The following METTL25 variants were observed in gnomAD, a reference collection of about 807,000 sequenced individuals.
The protein encoded by METTL25 is methyltransferase like 25.
In METTL25, 64 loss-of-function variants were observed where a neutral mutation model predicts 71.6. The ratio of observed to expected loss-of-function variants is 0.89; its 90% CI spans 0.73 to 1.10. The LOEUF (loss-of-function observed/expected upper bound fraction) is 1.10, where lower values mean the gene tolerates loss of function less well. Among genes scored for constraint, METTL25 ranks in the 50% least tolerant of loss-of-function variants. The pLI is 0.00. For synonymous variants in METTL25, 287 were observed against 250.3 expected, an observed-to-expected ratio of 1.15 and a Z score of -1.38; for missense variants, 807 against 707.0, an observed-to-expected ratio of 1.14 and a Z score of -1.60.
chr12:82,370,887 T>C (rs1446949513), intron 1 of METTL25, among the ~76,000 whole-genome samples: 1 of 152,208 alleles, frequency 6.6e-6, no homozygotes, highest in Admixed American at 6.5e-5. Flanking sequence ...CTTCTTCTTT[T>C]TGATGGCTTC....
At chr12:82,371,110 C>T (rs1416297578) in intron 1 of METTL25, among the ~76,000 whole-genome samples, 1 of 152,250 alleles carries the variant, frequency 6.6e-6, no homozygotes, top group African/African-American at 2.4e-5. Flanking sequence ...TACCTGGTTA[C>T]AGGCTGTCCC....
At chr12:82,435,531 A>G (rs1889852802) in intron 7 of METTL25, among the ~76,000 whole-genome samples, 1 of 151,382 alleles carries the variant, frequency 6.6e-6, no homozygotes, top group Non-Finnish European at 1.5e-5. Context: ...TTAGCGTTAG[A>G]GCATATCATT....
At chr12:82,385,749 T>C (rs1332039780) in intron 1 of METTL25, among the ~76,000 whole-genome samples, 1 of 152,210 alleles carries the variant, frequency 6.6e-6, no homozygotes, top group Non-Finnish European at 1.5e-5. Flanking sequence ...GAATGAAATT[T>C]AATTTTAATA....
chr12:82,412,352 C>G (rs1887616427), intron 5 of METTL25, among the ~76,000 whole-genome samples: 1 of 152,076 alleles, frequency 6.6e-6, no homozygotes, highest in Non-Finnish European at 1.5e-5. Flanking sequence ...TGGGTTTTGA[C>G]TAAGCAGTGT....
chr12:82,368,306 T>A (rs1882800454), intron 1 of METTL25, among the ~76,000 whole-genome samples: 1 of 152,158 alleles, frequency 6.6e-6, no homozygotes, highest in East Asian at 1.9e-4. Flanking sequence ...ATTTAACCAA[T>A]ATGGTGCCTA....
chr12:82,427,821 A>G (rs1889156311), intron 5 of METTL25, among the ~76,000 whole-genome samples: 1 of 151,930 alleles, frequency 6.6e-6, no homozygotes, highest in Non-Finnish European at 1.5e-5. Context: ...CTATATTCCA[A>G]GATTGCTGAG....
At chr12:82,377,622 TA>T (rs1884005521) in intron 1 of METTL25, among the ~76,000 whole-genome samples, 1 of 152,198 alleles carries the variant, frequency 6.6e-6, no homozygotes, top group South Asian at 2.1e-4. Context: ...TCAGATTGTT[TA>T]GGAAGTAAAA....
At chr12:82,458,231 A>G (rs1891628650) in intron 9 of METTL25, among the ~76,000 whole-genome samples, 1 of 152,172 alleles carries the variant, frequency 6.6e-6, no homozygotes, top group Non-Finnish European at 1.5e-5. Flanking sequence ...TATGGACATC[A>G]CAAACATTAC....
intron 1 of METTL25, among the ~76,000 whole-genome samples, chr12:82,361,573 A>T (rs1881907265): frequency 1.3e-5 from 2 of 152,178 alleles, no homozygotes; most frequent in Non-Finnish European, 2.9e-5. Flanking sequence ...GCAGGGAGGC[A>T]GCTGAGGCCC....
At chr12:82,424,704 A>G (rs1350814472) in intron 5 of METTL25, among the ~76,000 whole-genome samples, 1 of 152,010 alleles carries the variant, frequency 6.6e-6, no homozygotes, top group Non-Finnish European at 1.5e-5. Flanking sequence ...TTATCTGAAA[A>G]CTGGGTATTT....
At position 82,358,628 on chromosome 12, in the gene METTL25, G is replaced by A; in HGVS notation, c.63G>A (p.Gln21=). ...PDLPTLRAKL[Q]GLLQFLRDAL... ...TGCCCACGCTGCGTGCCAAGTTGCAGGGACTGCTGCAGTTCCTGAGGGATG... is the reference window on the plus strand; with the variant it reads ...TGCCCACGCTGCGTGCCAAGTTGCAAGGACTGCTGCAGTTCCTGAGGGATG... The change falls in exon 1 of 12, where the codon CAG becomes CAA. Residue 21 remains glutamine (Q), a synonymous_variant. Coordinates refer to ENST00000248306, the MANE Select transcript of METTL25 (RefSeq NM_032230.3). 2 of 1,614,058 alleles carry A rather than the reference G, an allele frequency of 1.2e-6. No individual in the cohort carries two copies. Among genetic ancestry groups the A allele is most frequent in the Non-Finnish European group, 1.7e-6 (2 of 1,180,054 alleles).
intron 9 of METTL25, among the ~76,000 whole-genome samples, chr12:82,467,177 T>G (rs1892289051): frequency 6.6e-6 from 1 of 152,060 alleles, no homozygotes; most frequent in Admixed American, 6.6e-5. Flanking sequence ...AAGTGGAGAA[T>G]GTAGACCATT....
chr12:82,386,807 G>A lies in METTL25; in HGVS notation c.264G>A (p.Met88Ile), dbSNP rs558856672. The A allele has an allele frequency of 6.2e-7, 1 of 1,612,194 alleles. No individual in the cohort carries two copies. Among genetic ancestry groups the A allele is most frequent in the South Asian group, 1.1e-5 (1 of 90,922 alleles). ...TTTCTGTCTTCACTTTTTTAGGTAT[G>A]ACTGATTTTCCCAAAATATTTTGTG... is the stretch of plus-strand genomic sequence containing the variant. Reference protein sequence around the residue: ...PLVEAEWEAGMTDFPKIFCET... With the variant: ...PLVEAEWEAGITDFPKIFCET... Residue 88 changes from methionine (M) to isoleucine (I), a missense_variant, in exon 2 of 12, where the codon ATG (methionine) becomes ATA (isoleucine). Physicochemically the swap from Met to Ile is conservative, Grantham distance 10. Coordinates refer to ENST00000248306, the MANE Select transcript of METTL25 (RefSeq NM_032230.3).
At chr12:82,446,282 A>G (rs1021333624) in intron 8 of METTL25, among the ~76,000 whole-genome samples, 1 of 152,160 alleles carries the variant, frequency 6.6e-6, no homozygotes, top group Non-Finnish European at 1.5e-5. Context: ...CAGAAATATA[A>G]CAAAGAAACT....
chr12:82,390,186 A>T, intron 3 of METTL25, among the ~76,000 whole-genome samples: 1 of 152,180 alleles, frequency 6.6e-6, no homozygotes, highest in East Asian at 1.9e-4. Flanking sequence ...GAGTGGACAG[A>T]AATTAAGCTT....
At chr12:82,387,263 A>C (rs911020247) in intron 2 of METTL25, among the ~76,000 whole-genome samples, 1 of 152,012 alleles carries the variant, frequency 6.6e-6, no homozygotes, top group Non-Finnish European at 1.5e-5. Context: ...CAAATTCCAA[A>C]ATCTACATTA....
chr12:82,406,432 A>G (rs577503104), intron 5 of METTL25, among the ~76,000 whole-genome samples: 84 of 152,288 alleles, frequency 5.5e-4, no homozygotes, highest in Admixed American at 1.6e-3. Flanking sequence ...ACAAATGTAT[A>G]AACTGTTCAT....
intron 8 of METTL25, among the ~76,000 whole-genome samples, chr12:82,441,304 A>ATATG (rs1890309104): frequency 1.3e-5 from 2 of 151,274 alleles, no homozygotes; most frequent in African/African-American, 4.9e-5. Flanking sequence ...ATATATATAT[A>ATATG]TATAGTACCT....
intron 7 of METTL25, among the ~76,000 whole-genome samples, chr12:82,437,926 T>C (rs910619378): frequency 6.6e-6 from 1 of 151,756 alleles, no homozygotes; most frequent in East Asian, 1.9e-4. Context: ...AATATCGAGA[T>C]CTGTGGGGAT....
Sources: gnomAD v4.1 joint callset for allele counts (sites outside exome capture counted in the v4.1 genomes callset) on GRCh38, gnomAD v4.1.1 for gene constraint, MANE v1.5 for transcripts, NCBI Gene and HGNC (gene_info 2026-07-23, HGNC 2026-07-21) for gene names.